The following UBXN2B variants were observed in gnomAD, a reference collection of about 807,000 sequenced individuals.
UBXN2B encodes the protein UBX domain-containing protein 2B.
A neutral mutation model predicts 37.5 loss-of-function variants in UBXN2B; 19 were observed. That is an observed-to-expected ratio of 0.51 (90% confidence interval 0.35 to 0.74). The LOEUF is 0.74. Among genes scored for constraint, UBXN2B ranks in the 30% least tolerant of loss-of-function variants. The pLI is 0.01. For missense variants in UBXN2B, 370 were observed against 393.2 expected (o/e 0.94, Z 0.50); for synonymous variants, 145 against 143.8 (o/e 1.01, Z -0.06).
intron 2 of UBXN2B, among the ~76,000 whole-genome samples, chr8:58,418,241 C>CAAAAAAAAAAA (rs56073006): frequency 9.2e-6 from 1 of 109,126 alleles, no homozygotes; most frequent in Non-Finnish European, 1.9e-5. Flanking sequence ...ACTCTGTCTC[C>CAAAAAAAAAAA]AAAAAAAAAA....
intron 1 of UBXN2B, among the ~76,000 whole-genome samples, chr8:58,414,485 T>G (rs1173036149): frequency 2.0e-5 from 3 of 152,240 alleles, no homozygotes; most frequent in African/African-American, 7.2e-5. Context: ...GAGGAAAGAT[T>G]ATCAATACTT....
chr8:58,441,049 G>A (rs1808528055), intron 6 of UBXN2B, among the ~76,000 whole-genome samples: 1 of 150,698 alleles, frequency 6.6e-6, no homozygotes, highest in African/African-American at 2.4e-5. Flanking sequence ...CTGGAGTACA[G>A]TGGTGTAGTC....
chr8:58,449,408 C>T lies in UBXN2B; in HGVS notation c.*1857C>T, dbSNP rs138203376. ...TCACAATCCATTATTACAGCATCAA[C>T]TCTAAATCCAAAATCTTATCTGAGT... is the stretch of plus-strand genomic sequence containing the variant. On this transcript the variant is annotated 3_prime_UTR_variant, in exon 8 of 8. Transcript: ENST00000399598. The T allele has an allele frequency of 1.2e-3, 184 of 150,444 alleles. No homozygotes were observed. The highest frequency in any genetic ancestry group is 4.4e-3 in the African/African-American group (182 of 41,112). 9.3% of individuals were successfully genotyped at this position (150,444 alleles called of 1,614,324 possible).
intron 1 of UBXN2B, chr8:58,413,419 G>T (rs1409859014): frequency 2.0e-5 from 3 of 152,116 alleles, no homozygotes; most frequent in Non-Finnish European, 2.9e-5. Context: ...TTCCCAAATG[G>T]TACCTTGGAT....
chr8:58,447,403 G>T lies in UBXN2B; in HGVS notation c.848G>T (p.Arg283Leu). 6.3e-7 allele frequency: 1 copy of T among 1,592,846 alleles called. No individual in the cohort carries two copies. The highest frequency in any genetic ancestry group is 1.2e-5 in the South Asian group (1 of 86,204). Residue 283 changes from arginine (R) to leucine (L), a missense_variant, in exon 8 of 8, where the codon CGG (arginine) becomes CTG (leucine). By Grantham distance (102) the Arg-to-Leu change is moderately radical (BLOSUM62 -2). Coordinates refer to ENST00000399598, the MANE Select transcript of UBXN2B (RefSeq NM_001077619.2). ...TATTTCTTCAGGATCCTGGATGTCCGGAACTTTATTGTACAGTCTCGTCCT... is the reference window on the plus strand; with the variant it reads ...TATTTCTTCAGGATCCTGGATGTCCTGAACTTTATTGTACAGTCTCGTCCT... ...FNSTHRILDV[R>L]NFIVQSRPEF...
intron 2 of UBXN2B, among the ~76,000 whole-genome samples, chr8:58,423,732 G>C (rs1807995784): frequency 6.9e-6 from 1 of 144,440 alleles, no homozygotes; most frequent in African/African-American, 2.5e-5. Context: ...ACCGCGCCCA[G>C]CCGGGGATGG....
At chr8:58,416,286 A>T (rs1018551041) in intron 1 of UBXN2B, among the ~76,000 whole-genome samples, 7 of 152,112 alleles carry the variant, frequency 4.6e-5, no homozygotes, top group South Asian at 2.1e-4. Context: ...TAGAATGTAT[A>T]ATTTGGTAAT....
At chr8:58,425,726 T>C in intron 2 of UBXN2B, 2 of 1,174,184 alleles carry the variant, frequency 1.7e-6, no homozygotes, top group East Asian at 2.3e-5. Context: ...GTTAAGGGGC[T>C]ACGTGAGTTG....
At chr8:58,424,656 T>G in intron 2 of UBXN2B, 1 of 1,211,686 alleles carries the variant, frequency 8.3e-7, no homozygotes, top group Admixed American at 1.7e-5. Context: ...TCTGCTCTCA[T>G]TTCTGCACAG....
intron 2 of UBXN2B, chr8:58,426,679 A>G: frequency 1.4e-6 from 1 of 727,782 alleles, no homozygotes; most frequent in Non-Finnish European, 2.6e-6. Flanking sequence ...CATCTCTACA[A>G]TGTCATGTTC....
chr8:58,448,960 T>C lies in UBXN2B; in HGVS notation c.*1409T>C, dbSNP rs2129604798. ...GCAGGGTTGCATTCTGTTAGGAGGC[T>C]CTACAGGAGAATCATTTCCTTGTCA... On this transcript the variant is annotated 3_prime_UTR_variant, in exon 8 of 8. Coordinates refer to ENST00000399598, the MANE Select transcript of UBXN2B (RefSeq NM_001077619.2). 6.6e-6 allele frequency: 1 copy of C among 152,324 alleles called. No individual in the cohort carries two copies. The highest frequency in any genetic ancestry group is 2.1e-4 in the South Asian group (1 of 4,822). The allele number at this position is 152,324 out of a possible 1,614,324, so 9.4% of individuals were successfully genotyped here.
At chr8:58,442,039 A>G (rs1387916831) in intron 6 of UBXN2B, among the ~76,000 whole-genome samples, 1 of 152,208 alleles carries the variant, frequency 6.6e-6, no homozygotes, top group Non-Finnish European at 1.5e-5. Context: ...GGGACTAGAT[A>G]CTAGAACATT....
chr8:58,415,043 A>G (rs1460900754), intron 1 of UBXN2B, among the ~76,000 whole-genome samples: 1 of 152,126 alleles, frequency 6.6e-6, no homozygotes, highest in African/African-American at 2.4e-5. Flanking sequence ...TTCAACGTCA[A>G]TTTGTTGCCT....
At position 58,444,509 on chromosome 8, in the gene UBXN2B, T is replaced by G. The variant is rs552567170; in HGVS notation, c.672-1398T>G. ...AGGCTGATGTAAATGAAATAATGCA[T>G]GTGGCAGAGGTGGTAATGGTGGTAG... On this transcript the variant is annotated intron_variant, in intron 6 of 7. Transcript: ENST00000399598. 5.3e-5 allele frequency among the ~76,000 whole-genome samples: 8 copies of G among 152,274 alleles called. No homozygotes were observed. In the South Asian group the frequency reaches 1.5e-3, roughly 28 times the overall value.
At chr8:58,430,313 CT>C (rs1333904596) in intron 2 of UBXN2B, among the ~76,000 whole-genome samples, 1 of 152,218 alleles carries the variant, frequency 6.6e-6, no homozygotes, top group Non-Finnish European at 1.5e-5. Context: ...TAGAATCAAT[CT>C]TTGCAAACTC....
chr8:58,426,124 G>T, intron 2 of UBXN2B: 1 of 1,238,004 alleles, frequency 8.1e-7, no homozygotes, highest in Non-Finnish European at 1.2e-6. Flanking sequence ...GATGTTCTGT[G>T]TAATGCCGGA....
intron 2 of UBXN2B, among the ~76,000 whole-genome samples, chr8:58,424,335 A>G (rs1209174912): frequency 6.6e-6 from 1 of 152,202 alleles, no homozygotes; most frequent in African/African-American, 2.4e-5. Context: ...TCTATAAAAT[A>G]TAATGTCTAC....
chr8:58,424,542 A>T lies in UBXN2B; in HGVS notation c.189-5977A>T. On this transcript the variant is annotated intron_variant, in intron 2 of 7. Coordinates refer to ENST00000399598, the MANE Select transcript of UBXN2B (RefSeq NM_001077619.2). ...GAAAGTTTGATCTTTTTAGGGAGAGAGTGAAGTCCACATCTATTTTTGTGC... is the reference window on the plus strand; with the variant it reads ...GAAAGTTTGATCTTTTTAGGGAGAGTGTGAAGTCCACATCTATTTTTGTGC... The T allele has an allele frequency of 3.5e-6, 3 of 853,534 alleles. No homozygotes were observed. The East Asian group carries it at 7.5e-5, about 21-fold the overall frequency. 52.9% of individuals were successfully genotyped at this position (853,534 alleles called of 1,614,324 possible). A position where few individuals can be genotyped will look rare whatever the true frequency, so the allele number is the denominator to read the frequency against.
At chr8:58,432,375 CT>C (rs34018318) in intron 3 of UBXN2B, among the ~76,000 whole-genome samples, 27 of 81,502 alleles carry the variant, frequency 3.3e-4, no homozygotes, top group South Asian at 1.4e-3. Flanking sequence ...TTCTAAATTT[CT>C]TTTTTTTTTT....
Sources: gnomAD v4.1 joint callset for allele counts (sites outside exome capture counted in the v4.1 genomes callset) on GRCh38, gnomAD v4.1.1 for gene constraint, MANE v1.5 for transcripts, NCBI Gene and HGNC (gene_info 2026-07-23, HGNC 2026-07-21) for gene names.